CMYA5: variants seen among roughly 807,000 people sequenced by gnomAD.
CMYA5 encodes cardiomyopathy associated 5.
Under a neutral mutation model 318.9 loss-of-function variants are expected in CMYA5, and 246 were observed. That is an observed-to-expected ratio of 0.77 (90% CI 0.70 to 0.86). The LOEUF (loss-of-function observed/expected upper bound fraction) is 0.86. Ranked by LOEUF, CMYA5 falls within the 40% of genes least tolerant of loss-of-function variation. CMYA5 has a pLI of 0.00. For synonymous variants in CMYA5, 1,641 were observed against 1,729.5 expected, an observed-to-expected ratio of 0.95 and a Z score of 1.27; for missense variants, 4,589 against 4,678.2, an observed-to-expected ratio of 0.98 and a Z score of 0.56.
chr5:79,736,645 T>G lies in CMYA5; in HGVS notation c.7880T>G (p.Val2627Gly). 5 of 1,613,596 alleles carry G rather than the reference T, an allele frequency of 3.1e-6. No individual in the cohort carries two copies. The highest frequency in any genetic ancestry group is 8.5e-7 in the Non-Finnish European group (1 of 1,179,754). Reference sequence around the variant, plus strand: ...CCACATCCTTTAGAAGAAAGTAAAGTTTTGGTGGAGAAAACCAAGACTTTC... The same window carrying G: ...CCACATCCTTTAGAAGAAAGTAAAGGTTTGGTGGAGAAAACCAAGACTTTC... ...TQPHPLEESK[V>G]LVEKTKTFLP... The change falls in exon 2 of 13, where the codon GTT becomes GGT. Residue 2627 changes from valine (V) to glycine (G), a missense_variant. Transcript: ENST00000446378.
intron 1 of CMYA5, among the ~76,000 whole-genome samples, chr5:79,723,805 T>G (rs1827693534): frequency 2.0e-5 from 3 of 151,296 alleles, no homozygotes; most frequent in Admixed American, 6.6e-5. Context: ...AAAAGGAGAT[T>G]ACAGGGTAAT....
In CMYA5 at chr5:79,735,813, G is replaced by C; in HGVS notation, c.7048G>C (p.Ala2350Pro). 1 of 1,550,034 alleles carries C rather than the reference G, an allele frequency of 6.5e-7. No homozygotes were observed. ...TGATAGTAAAAGAGTCCAGAAGCCAGCAATCGCTCCTCCATCTAAATGGAA... is the reference window on the plus strand; with the variant it reads ...TGATAGTAAAAGAGTCCAGAAGCCACCAATCGCTCCTCCATCTAAATGGAA... Reference protein sequence around the residue: ...VTDSKRVQKPAIAPPSKWNIS... With the variant: ...VTDSKRVQKPPIAPPSKWNIS... Residue 2350 changes from alanine (A) to proline (P), a missense_variant, in exon 2 of 13, where the codon GCA (alanine) becomes CCA (proline). By Grantham distance (27) the Ala-to-Pro change is conservative. Around this residue, in one of 3 missense-constraint regions of CMYA5, gnomAD observed 2,431 missense variants for 2,495.1 expected, o/e 0.97. Transcript: ENST00000446378.
intron 1 of CMYA5, among the ~76,000 whole-genome samples, chr5:79,696,775 A>G (rs1827074774): frequency 6.6e-6 from 1 of 152,104 alleles, no homozygotes; most frequent in African/African-American, 2.4e-5. Context: ...GGAGGCCGAG[A>G]CGGGCAGGTC....
chr5:79,785,499 T>C (rs1829067316), intron 9 of CMYA5, among the ~76,000 whole-genome samples: 1 of 152,152 alleles, frequency 6.6e-6, no homozygotes, highest in African/African-American at 2.4e-5. Context: ...ATGTTCTTTA[T>C]ATAGATCTTA....
chr5:79,795,132 G>A (rs1197336323), intron 12 of CMYA5, among the ~76,000 whole-genome samples: 2 of 152,156 alleles, frequency 1.3e-5, no homozygotes, highest in South Asian at 2.1e-4. Context: ...TCAACCTACA[G>A]CTTTGGCCTT....
At chr5:79,784,841 C>G (rs961139843) in intron 9 of CMYA5, among the ~76,000 whole-genome samples, 5 of 150,906 alleles carry the variant, frequency 3.3e-5, no homozygotes, top group African/African-American at 1.2e-4. Flanking sequence ...GAGATGAACC[C>G]GGTACCTCAG....
chr5:79,737,916 G>T lies in CMYA5; in HGVS notation c.9151G>T (p.Asp3051Tyr), dbSNP rs747273261. The T allele has an allele frequency of 1.6e-5, 26 of 1,606,178 alleles. No individual in the cohort carries two copies. The South Asian group carries it at 2.5e-4, about 15-fold the overall frequency. The change falls in exon 2 of 13, where the codon GAT becomes TAT. Residue 3051 changes from aspartate to tyrosine, a missense_variant. Transcript: ENST00000446378. ...TCAGCCCACAATTCCCAGTGAAGAG[G>T]ATTATTTTGAAAAATATACTTTGAT... Reference protein sequence around the residue: ...FIQPTIPSEEDYFEKYTLIDY... With the variant: ...FIQPTIPSEEYYFEKYTLIDY...
chr5:79,736,863 GA>G lies in CMYA5; in HGVS notation c.8102del (p.Lys2701ArgfsTer3). The G allele has an allele frequency of 1.2e-6, 2 of 1,611,954 alleles. No individual in the cohort carries two copies. The highest frequency in any genetic ancestry group is 1.7e-6 in the Non-Finnish European group (2 of 1,179,558). ...TKETVKQGFQ[E>X]KAVGTQPRPL... Reference sequence around the variant, plus strand: ...AGAAACTGTGAAACAAGGATTTCAAGAAAAGGCAGTAGGAACCCAACCACGT... The same window carrying G: ...AGAAACTGTGAAACAAGGATTTCAAGAAAGGCAGTAGGAACCCAACCACGT... On this transcript the variant is annotated frameshift_variant, in exon 2 of 13. Transcript: ENST00000446378. LOFTEE classifies it high-confidence loss of function.
chr5:79,736,118 TAGTCCA>T lies in CMYA5; in HGVS notation c.7355_7360del (p.Ser2452_Pro2453del). The stretch of plus-strand genomic sequence containing the variant: ...AAGAGGAAACAAAACTCAGGTCTGT[TAGTCCA>T]ACTGAGAAGAAAGATAATTTGGAAA... On this transcript the variant is annotated inframe_deletion, in exon 2 of 13. Transcript: ENST00000446378. 1 of 1,613,658 alleles carries T rather than the reference TAGTCCA, an allele frequency of 6.2e-7. No individual in the cohort carries two copies. The highest frequency in any genetic ancestry group is 8.5e-7 in the Non-Finnish European group (1 of 1,179,762).
chr5:79,689,854 A>AGGCGC lies in CMYA5; in HGVS notation c.-46_-42dup, dbSNP rs1291201765. On this transcript the variant is annotated 5_prime_UTR_variant, in exon 1 of 13. Transcript: ENST00000446378. ...CCAGAGCAGTCGGAGGGAGAACACC[A>AGGCGC]GGCGCGGCGCGGGCGGCTCCGGCTC... is the stretch of plus-strand genomic sequence containing the variant. 2 of 635,998 alleles carry AGGCGC rather than the reference A, an allele frequency of 3.1e-6. No individual in the cohort carries two copies. The highest frequency in any genetic ancestry group is 5.6e-6 in the Non-Finnish European group (2 of 354,572). The allele number at this position is 635,998 out of a possible 1,614,324, so 39.4% of individuals were successfully genotyped here.
intron 9 of CMYA5, chr5:79,774,465 CAGA>C (rs745324804): frequency 3.3e-5 from 5 of 152,270 alleles, no homozygotes; most frequent in African/African-American, 4.8e-5. Context: ...GGAGAGAAGT[CAGA>C]AGAAGTGTGG....
In CMYA5 at chr5:79,733,605, G is replaced by A. The variant is rs1312748282; in HGVS notation, c.4840G>A (p.Ala1614Thr). The A allele has an allele frequency of 1.2e-6, 2 of 1,613,576 alleles. No individual in the cohort carries two copies. Among genetic ancestry groups the A allele is most frequent in the Admixed American group, 1.7e-5 (1 of 59,938 alleles). ...GDFPSEKQDVALAELSLEPEK... is the reference protein window; with the variant it reads ...GDFPSEKQDVTLAELSLEPEK... ...CTTCCCATCAGAAAAACAAGATGTTGCTTTGGCAGAGCTGTCTTTGGAACC... is the reference window on the plus strand; with the variant it reads ...CTTCCCATCAGAAAAACAAGATGTTACTTTGGCAGAGCTGTCTTTGGAACC... The change falls in exon 2 of 13, where the codon GCT (alanine) becomes ACT (threonine). Residue 1614 changes from alanine to threonine, a missense_variant. Around this residue, in one of 3 missense-constraint regions of CMYA5, gnomAD observed 2,132 missense variants for 2,131.3 expected, o/e 1.00. Coordinates refer to ENST00000446378, the MANE Select transcript of CMYA5 (RefSeq NM_153610.5).
chr5:79,696,355 A>G (rs1037353497), intron 1 of CMYA5, among the ~76,000 whole-genome samples: 5 of 152,236 alleles, frequency 3.3e-5, no homozygotes, highest in Admixed American at 6.5e-5. Flanking sequence ...AAATTTTTCT[A>G]TTAAGACAAC....
chr5:79,735,425 A>G lies in CMYA5; in HGVS notation c.6660A>G (p.Glu2220=). 1 of 1,613,922 alleles carries G rather than the reference A, an allele frequency of 6.2e-7. No individual in the cohort carries two copies. The highest frequency in any genetic ancestry group is 8.5e-7 in the Non-Finnish European group (1 of 1,179,816). Residue 2220 remains glutamate, a synonymous_variant, in exon 2 of 13, where the codon GAA becomes GAG. Transcript: ENST00000446378. ...AAGCAGTGACTGTGATAGATCCTGA[A>G]GGTACAATTCCCACCAATTTTAATG... is the stretch of plus-strand genomic sequence containing the variant. ...VEKAVTVIDP[E]GTIPTNFNVA...
intron 6 of CMYA5, among the ~76,000 whole-genome samples, chr5:79,758,297 C>G (rs777254611): frequency 2.7e-5 from 4 of 150,062 alleles, no homozygotes; most frequent in Non-Finnish European, 5.9e-5. Flanking sequence ...TTTGGGAGGC[C>G]GAGGTGGGTG....
At position 79,701,090 on chromosome 5, in the gene CMYA5, C is replaced by CCAAAAAAA. The variant is rs55791310; in HGVS notation, c.149+11034_149+11035insCAAAAAAA. On this transcript the variant is annotated intron_variant, in intron 1 of 12. Transcript: ENST00000446378. ...TGAAACCCCATCTCTACTAAAAATA[C>CCAAAAAAA]AAAAAAAAAAAAAAAAAATTAGCCG... 2.6e-3 allele frequency among the ~76,000 whole-genome samples: 304 copies of CCAAAAAAA among 114,878 alleles called. 16 individuals are homozygous for CCAAAAAAA. The highest frequency in any genetic ancestry group is 0.02 in the Middle Eastern group (4 of 198). 75.4% of individuals were successfully genotyped at this position (114,878 alleles called of 152,430 possible). A position where few individuals can be genotyped will look rare whatever the true frequency, so the allele number is the denominator to read the frequency against.
At position 79,738,185 on chromosome 5, in the gene CMYA5, T is replaced by A. The variant is rs1359398886; in HGVS notation, c.9420T>A (p.Val3140=). The A allele has an allele frequency of 2.7e-5, 44 of 1,613,756 alleles. No homozygotes were observed. In the Admixed American group the frequency reaches 7.0e-4, roughly 26 times the overall value. The change falls in exon 2 of 13, where the codon GTT becomes GTA. Residue 3140 remains valine, a synonymous_variant. Transcript: ENST00000446378. ...GCCAAAACTCAGCTGACAGGAATGTTTCAAAGGACACAAAGAGAGATGTGG... is the reference window on the plus strand; with the variant it reads ...GCCAAAACTCAGCTGACAGGAATGTATCAAAGGACACAAAGAGAGATGTGG... ...TQSQNSADRN[V]SKDTKRDVDS...
intron 5 of CMYA5, among the ~76,000 whole-genome samples, chr5:79,750,889 A>G (rs1391314145): frequency 3.3e-5 from 5 of 152,178 alleles, no homozygotes; most frequent in African/African-American, 7.2e-5. Context: ...TGTGGTACCT[A>G]CCATCAGAGC....
intron 1 of CMYA5, among the ~76,000 whole-genome samples, chr5:79,698,234 G>A (rs1312165883): frequency 6.6e-6 from 1 of 151,802 alleles, no homozygotes; most frequent in Non-Finnish European, 1.5e-5. Context: ...GCTCCAAGAA[G>A]AGCTTCAATA....
Sources: gnomAD v4.1 joint callset for allele counts (sites outside exome capture counted in the v4.1 genomes callset) on GRCh38, gnomAD v4.1.1 for gene constraint, gnomAD v4.1.1 regional missense constraint, MANE v1.5 for transcripts, NCBI Gene and HGNC (gene_info 2026-07-23, HGNC 2026-07-21) for gene names.